HSPA12B: variants seen among roughly 807,000 people sequenced by gnomAD.
The protein encoded by HSPA12B is heat shock protein family A (Hsp70) member 12B.
A neutral mutation model predicts 69.3 loss-of-function variants in HSPA12B; 54 were observed. That is an observed-to-expected ratio of 0.78 (90% CI 0.63 to 0.98). The LOEUF is 0.98. Among genes scored for constraint, HSPA12B ranks in the 50% least tolerant of loss-of-function variants. HSPA12B has a pLI of 0.00. For missense variants in HSPA12B, 929 were observed against 999.8 expected (o/e 0.93, Z 0.96); for synonymous variants, 441 against 436.5 (o/e 1.01, Z -0.13).
In HSPA12B at chr20:3,745,158, G is replaced by A; in HGVS notation, c.453+70G>A. ...AAGGGCAGGGCTAATGGGGGTGGGTGGGACAAAACCAAAACGTGTGAGGAC... is the reference window on the plus strand; with the variant it reads ...AAGGGCAGGGCTAATGGGGGTGGGTAGGACAAAACCAAAACGTGTGAGGAC... On this transcript the variant is annotated intron_variant, in intron 5 of 12. Transcript: ENST00000254963. This position sits in a 1 kb window ranked among gnomAD's most constrained non-coding sequence, Gnocchi z 5.6. 2 of 1,335,322 alleles carry A rather than the reference G, an allele frequency of 1.5e-6. No homozygotes were observed. Among genetic ancestry groups the A allele is most frequent in the Non-Finnish European group, 2.1e-6 (2 of 955,478 alleles). The allele number at this position is 1,335,322 out of a possible 1,614,324, so 82.7% of individuals were successfully genotyped here.
chr20:3,748,061 T>A (rs918576566), intron 7 of HSPA12B, among the ~76,000 whole-genome samples, 156 bp from the exon 8 acceptor site: 1 of 152,208 alleles, frequency 6.6e-6, no homozygotes, highest in Non-Finnish European at 1.5e-5. Context: ...AGCTCCAAAT[T>A]TGTGCAGCAC....
At position 3,752,075 on chromosome 20, in the gene HSPA12B, T is replaced by C; in HGVS notation, c.1970T>C (p.Met657Thr). The change falls in exon 13 of 13, where the codon ATG becomes ACG. Residue 657 changes from methionine (M) to threonine (T), a missense_variant. Met to Thr is a moderately conservative substitution (Grantham distance 81). Coordinates refer to ENST00000254963, the MANE Select transcript of HSPA12B (RefSeq NM_052970.5). ...GGCCGCCGCGAGATCCGCGCCGCCA[T>C]GCAGTTTGGCGACACCGAAATTAAG... is the stretch of plus-strand genomic sequence containing the variant. ...PPGRREIRAA[M>T]QFGDTEIKVT... The C allele has an allele frequency of 6.5e-7, 1 of 1,537,290 alleles. No individual in the cohort carries two copies.
At chr20:3,742,701 CTTT>C (rs36044324) in intron 4 of HSPA12B, among the ~76,000 whole-genome samples, 4 of 143,050 alleles carry the variant, frequency 2.8e-5, no homozygotes, top group Non-Finnish European at 1.5e-5. Context: ...TTTTATTTTC[CTTT>C]TTTTTTTTTT....
intron 1 of HSPA12B, among the ~76,000 whole-genome samples, chr20:3,738,180 C>G (rs1238357357): frequency 6.6e-6 from 1 of 152,222 alleles, no homozygotes; most frequent in Non-Finnish European, 1.5e-5. Flanking sequence ...TCTTCCCACC[C>G]CGCATTATCC....
intron 7 of HSPA12B, among the ~76,000 whole-genome samples, chr20:3,747,795 A>G (rs2088332992): frequency 6.6e-6 from 1 of 151,830 alleles, no homozygotes; most frequent in Admixed American, 6.6e-5. Context: ...GCTCCCCACC[A>G]CCTCCTCTGA....
chr20:3,749,998 C>G lies in HSPA12B; in HGVS notation c.1072C>G (p.Leu358Val), dbSNP rs2088383056. 3 of 1,582,098 alleles carry G rather than the reference C, an allele frequency of 1.9e-6. No homozygotes were observed. The highest frequency in any genetic ancestry group is 2.6e-6 in the Non-Finnish European group (3 of 1,164,938). Residue 358 changes from leucine (L) to valine (V), a missense_variant, in exon 11 of 13, where the codon CTG becomes GTG. Physicochemically the swap from Leu to Val is conservative, Grantham distance 32. Coordinates refer to ENST00000254963, the MANE Select transcript of HSPA12B (RefSeq NM_052970.5). The surrounding 1 kb of genome is among the most constrained non-coding windows in gnomAD (Gnocchi z 5.5). ...GGPYGAVGVDLAFEQLLCRIF... is the reference protein window; with the variant it reads ...GGPYGAVGVDVAFEQLLCRIF... Reference sequence around the variant, plus strand: ...CCCTTATGGCGCGGTGGGCGTGGACCTGGCCTTCGAGCAGCTGCTGTGCCG... The same window carrying G: ...CCCTTATGGCGCGGTGGGCGTGGACGTGGCCTTCGAGCAGCTGCTGTGCCG...
rs2088127286 is a variant in HSPA12B at position 3,737,518 on chromosome 20, C to G, written c.-17-1140C>G. ...TCACTCCTCACCTAAGCTTACCTCC[C>G]TTGGGCCACTAAAACAGTGTTTCCA... is the stretch of plus-strand genomic sequence containing the variant. On this transcript the variant is annotated intron_variant, in intron 1 of 12. Transcript: ENST00000254963. The surrounding 1 kb of genome is among the most constrained non-coding windows in gnomAD (Gnocchi z 4.1). Among the ~76,000 whole-genome samples, 1 of 152,096 alleles carries G rather than the reference C, an allele frequency of 6.6e-6. No homozygotes were observed. The highest frequency in any genetic ancestry group is 6.6e-5 in the Admixed American group (1 of 15,260).
intron 4 of HSPA12B, 44 bp downstream of exon 4, chr20:3,742,452 A>T: frequency 6.8e-7 from 1 of 1,474,454 alleles, no homozygotes; most frequent in Non-Finnish European, 9.4e-7. Context: ...GAAGGTGGGG[A>T]GTTCCTCATA....
rs1317408435 is a variant in HSPA12B, at chr20:3,745,003, G to T, written c.368G>T (p.Arg123Leu). ...GAFHSFGYTA[R>L]DYYHDLDPEE... Reference sequence around the variant, plus strand: ...TTCCACAGCTTTGGCTACACCGCCCGCGATTACTACCATGACCTGGACCCC... The same window carrying T: ...TTCCACAGCTTTGGCTACACCGCCCTCGATTACTACCATGACCTGGACCCC... The change falls in exon 5 of 13, where the codon CGC becomes CTC. Residue 123 changes from arginine (R) to leucine (L), a missense_variant. By Grantham distance (102) the Arg-to-Leu change is moderately radical. Transcript: ENST00000254963. This position sits in a 1 kb window ranked among gnomAD's most constrained non-coding sequence, Gnocchi z 5.6. The T allele has an allele frequency of 1.2e-6, 2 of 1,613,968 alleles. No individual in the cohort carries two copies. The highest frequency in any genetic ancestry group is 2.7e-5 in the African/African-American group (2 of 74,942).
In HSPA12B at chr20:3,745,374, T is replaced by G. The variant is rs2088280615; in HGVS notation, c.454-119T>G. On this transcript the variant is annotated intron_variant, in intron 5 of 12. Transcript: ENST00000254963. The surrounding 1 kb of genome is among the most constrained non-coding windows in gnomAD (Gnocchi z 5.6). ...GAGCTAATGTCACATGGGGCAAGAG[T>G]GGGACGGTGGTAAAGAGGAGGGGAA... The G allele has an allele frequency of 1.3e-6, 1 of 763,904 alleles. No homozygotes were observed. The allele number at this position is 763,904 out of a possible 1,614,324, so 47.3% of individuals were successfully genotyped here.
chr20:3,735,463 CT>C (rs34819658), intron 1 of HSPA12B, among the ~76,000 whole-genome samples: 9,914 of 138,822 alleles, frequency 0.071, 739 homozygotes, highest in African/African-American at 0.19. Flanking sequence ...AGGACTCAGT[CT>C]TTTTTTTTTT....
Position 3,744,925 on chromosome 20 carries a change from G to T in HSPA12B, c.290G>T (p.Gly97Val). ...AGGAAATGGGAGGGCGGAGACCCGG[G>T]CGTGGCCCACCAGAAGACCCCGACC... ...MMRKWEGGDP[G>V]VAHQKTPTCL... Residue 97 changes from glycine (G) to valine (V), a missense_variant, in exon 5 of 13, where the codon GGC becomes GTC. Physicochemically the swap from Gly to Val is moderately radical, Grantham distance 109. Coordinates refer to ENST00000254963, the MANE Select transcript of HSPA12B (RefSeq NM_052970.5). This position sits in a 1 kb window ranked among gnomAD's most constrained non-coding sequence, Gnocchi z 4.9. 6 of 1,613,242 alleles carry T rather than the reference G, an allele frequency of 3.7e-6. No individual in the cohort carries two copies. Among genetic ancestry groups the T allele is most frequent in the Non-Finnish European group, 5.1e-6 (6 of 1,179,984 alleles).
Position 3,745,606 on chromosome 20 carries a change from CG to C in HSPA12B, c.558+11del, listed in dbSNP as rs1053730444. 1 of 1,609,800 alleles carries C rather than the reference CG, an allele frequency of 6.2e-7. No homozygotes were observed. Among genetic ancestry groups the C allele is most frequent in the African/African-American group, 1.3e-5 (1 of 74,862 alleles). On this transcript the variant is annotated intron_variant, in intron 6 of 12. Coordinates refer to ENST00000254963, the MANE Select transcript of HSPA12B (RefSeq NM_052970.5). The surrounding 1 kb of genome is among the most constrained non-coding windows in gnomAD (Gnocchi z 5.6). Reference sequence around the variant, plus strand: ...GGGAGCACGCCCTTCAGGTGCGCTGCGGCCCCACCTCTGCCGACTGTGGCAG... The same window carrying C: ...GGGAGCACGCCCTTCAGGTGCGCTGCGCCCCACCTCTGCCGACTGTGGCAG...
At position 3,745,998 on chromosome 20, in the gene HSPA12B, A is replaced by G. The variant is rs1378628720; in HGVS notation, c.642A>G (p.Pro214=). 6.2e-7 allele frequency: 1 copy of G among 1,613,950 alleles called. No individual in the cohort carries two copies. Among genetic ancestry groups the G allele is most frequent in the African/African-American group, 1.3e-5 (1 of 75,052 alleles). ...CGGTGCCTGCCATCTGGAAACAGCC[A>G]GCCAAGCAGTTCATGCGGGAGGCTG... is the stretch of plus-strand genomic sequence containing the variant. The part of the protein sequence containing the change: ...VLTVPAIWKQ[P]AKQFMREAAY... Residue 214 remains proline, a synonymous_variant, in exon 7 of 13, where the codon CCA becomes CCG. Transcript: ENST00000254963. The surrounding 1 kb of genome is among the most constrained non-coding windows in gnomAD (Gnocchi z 5.6).
At chr20:3,736,037 T>C (rs2088104155) in intron 1 of HSPA12B, among the ~76,000 whole-genome samples, 1 of 152,208 alleles carries the variant, frequency 6.6e-6, no homozygotes, top group Non-Finnish European at 1.5e-5. Flanking sequence ...TTTATGGTGT[T>C]TGCCAATTTC....
chr20:3,739,607 G>A (rs1022567052), intron 2 of HSPA12B, among the ~76,000 whole-genome samples: 26 of 152,192 alleles, frequency 1.7e-4, no homozygotes, highest in African/African-American at 6.3e-4. Context: ...GGCTGCCTGA[G>A]GAGAGGGAGC....
chr20:3,735,157 G>C (rs1031704813), intron 1 of HSPA12B, among the ~76,000 whole-genome samples: 1 of 152,170 alleles, frequency 6.6e-6, no homozygotes, highest in African/African-American at 2.4e-5. Flanking sequence ...ATCATGAAGG[G>C]AAAGAACACT....
At position 3,738,653 on chromosome 20, in the gene HSPA12B, G is replaced by C. The variant is rs778117410; in HGVS notation, c.-17-5G>C. On this transcript the variant is annotated splice_polypyrimidine_tract_variant and splice_region_variant and intron_variant, in intron 1 of 12. Transcript: ENST00000254963. ...CCCACTCTGCTTGTCTGTTCCTGTTGACAGCTACAGGGCCTGCAAGGATGT... is the reference window on the plus strand; with the variant it reads ...CCCACTCTGCTTGTCTGTTCCTGTTCACAGCTACAGGGCCTGCAAGGATGT... 70 of 1,613,820 alleles carry C rather than the reference G, an allele frequency of 4.3e-5. 1 individual carries two copies. In the South Asian group the frequency reaches 7.6e-4, roughly 17 times the overall value.
chr20:3,751,143 G>A (rs897917945), intron 12 of HSPA12B: 4 of 715,106 alleles, frequency 5.6e-6, no homozygotes, highest in African/African-American at 1.9e-5. Context: ...TATAAAATGG[G>A]GTGATAGTAT....
Sources: allele counts gnomAD v4.1 joint callset (sites outside exome capture counted in the v4.1 genomes callset), GRCh38; gene constraint gnomAD v4.1.1; non-coding constraint Gnocchi (gnomAD v3.1); transcripts MANE v1.5; gene names NCBI Gene and HGNC (gene_info 2026-07-23, HGNC 2026-07-21).